Variants in PARD3 observed in about 807,000 individuals in gnomAD.
The protein encoded by PARD3 is partitioning defective 3 homolog.
Under a neutral mutation model 155.4 loss-of-function variants are expected in PARD3, and 75 were observed. The observed-to-expected ratio is 0.48, with a 90% CI of 0.40 to 0.58. The LOEUF (loss-of-function observed/expected upper bound fraction) is 0.58. PARD3 is among the 20% of genes least tolerant of loss of function. The pLI, the probability that PARD3 is intolerant of heterozygous loss-of-function variation, is 0.00. For missense variants in PARD3, 1,642 were observed against 1,721.7 expected (o/e 0.95, Z 0.82); for synonymous variants, 576 against 610.5 (o/e 0.94, Z 0.83).
intron 1 of PARD3, among the ~76,000 whole-genome samples, chr10:34,763,928 T>C (rs1016054736): frequency 6.6e-6 from 1 of 152,242 alleles, no homozygotes; most frequent in Non-Finnish European, 1.5e-5. Context: ...AGCCATATAC[T>C]AATAAGATCC....
intron 5 of PARD3, among the ~76,000 whole-genome samples, chr10:34,444,022 T>TCA (rs10657322): frequency 0.52 from 78,576 of 151,690 alleles, 23,866 homozygotes; most frequent in African/African-American, 0.86. Flanking sequence ...CCAGTTTGCC[T>TCA]GTTTGTATAA....
intron 2 of PARD3, among the ~76,000 whole-genome samples, chr10:34,642,669 G>A (rs2092715373): frequency 6.6e-6 from 1 of 151,984 alleles, no homozygotes; most frequent in East Asian, 1.9e-4. Context: ...GATAAACCCT[G>A]AGGACAGCTA....
intron 1 of PARD3, among the ~76,000 whole-genome samples, chr10:34,741,801 G>A (rs2095023787): frequency 6.6e-6 from 1 of 152,092 alleles, no homozygotes; most frequent in Non-Finnish European, 1.5e-5. Flanking sequence ...AGTTAATGAA[G>A]CACATACAAC....
chr10:34,610,016 G>A (rs1486208832), intron 2 of PARD3, among the ~76,000 whole-genome samples: 3 of 152,152 alleles, frequency 2.0e-5, no homozygotes, highest in African/African-American at 7.2e-5. Flanking sequence ...TTAGGCGGAG[G>A]CCAACTGTTT....
chr10:34,545,562 A>G (rs1465386962), intron 2 of PARD3, among the ~76,000 whole-genome samples: 1 of 152,084 alleles, frequency 6.6e-6, no homozygotes, highest in African/African-American at 2.4e-5. Context: ...ACGACTTTAT[A>G]TCCTTTTTTT....
intron 20 of PARD3, among the ~76,000 whole-genome samples, chr10:34,307,322 G>A (rs547689575): frequency 2.6e-5 from 4 of 152,242 alleles, no homozygotes; most frequent in African/African-American, 7.2e-5. Context: ...ATGCCACAGT[G>A]GGGAGGAAAG....
At chr10:34,709,443 C>T (rs181085529) in intron 1 of PARD3, among the ~76,000 whole-genome samples, 112 of 152,158 alleles carry the variant, frequency 7.4e-4, no homozygotes, top group East Asian at 5.0e-3. Context: ...ATTAGGAGTG[C>T]GAACAGGAAA....
intron 1 of PARD3, among the ~76,000 whole-genome samples, chr10:34,756,638 G>C (rs1836783505): frequency 6.6e-6 from 1 of 151,778 alleles, no homozygotes; most frequent in East Asian, 1.9e-4. Flanking sequence ...ACTTTTTATA[G>C]AGATGGGGTC....
At chr10:34,704,028 CAT>C (rs1428201413) in intron 1 of PARD3, among the ~76,000 whole-genome samples, 1 of 152,108 alleles carries the variant, frequency 6.6e-6, no homozygotes, top group Non-Finnish European at 1.5e-5. Flanking sequence ...AAACAGGAGA[CAT>C]AACACAGAAG....
intron 1 of PARD3, among the ~76,000 whole-genome samples, chr10:34,749,634 A>G (rs1454122622): frequency 3.9e-5 from 6 of 152,320 alleles, no homozygotes; most frequent in African/African-American, 1.4e-4. Flanking sequence ...AAAAAAGAAG[A>G]TAAGTGAAAG....
intron 2 of PARD3, among the ~76,000 whole-genome samples, chr10:34,614,091 A>C (rs997384994): frequency 1.1e-4 from 16 of 152,210 alleles, no homozygotes; most frequent in African/African-American, 3.9e-4. Context: ...AAACAGCTAA[A>C]TTCAAGAAAA....
At chr10:34,456,724 A>G (rs1027398444) in intron 4 of PARD3, among the ~76,000 whole-genome samples, 4 of 152,240 alleles carry the variant, frequency 2.6e-5, no homozygotes, top group African/African-American at 9.6e-5. Flanking sequence ...CCTAACATAT[A>G]TATCAAATTT....
Position 34,331,128 on chromosome 10 carries a change from C to G in PARD3, c.2822G>C (p.Gly941Ala), listed in dbSNP as rs753782867. ...CATTATAAACTTACAGGTCTCCATG[C>G]CTTCATCATCATCATCTACCGCGGG... ...DKPAVDDDDE[G>A]METLEEDTEE... The change falls in exon 19 of 25, where the codon GGC becomes GCC. Residue 941 changes from glycine (G) to alanine (A), a missense_variant. Gly to Ala is a moderately conservative substitution (Grantham distance 60, BLOSUM62 0). Around this residue, in one of 3 missense-constraint regions of PARD3, gnomAD observed 1,529 missense variants for 1,587.3 expected, o/e 0.96. Transcript: ENST00000374788. 5.6e-6 allele frequency: 9 copies of G among 1,611,544 alleles called. No homozygotes were observed. The African/African-American group carries it at 1.1e-4, about 19-fold the overall frequency.
chr10:34,479,548 C>T (rs181071135), intron 3 of PARD3, among the ~76,000 whole-genome samples: 11 of 152,282 alleles, frequency 7.2e-5, no homozygotes, highest in African/African-American at 2.4e-4. Context: ...GCAATCGAGA[C>T]TTAGGGTACC....
chr10:34,382,660 G>A lies in PARD3; in HGVS notation c.1279C>T (p.Pro427Ser), dbSNP rs185692405. The change falls in exon 9 of 25, where the codon CCC (proline) becomes TCC (serine). Residue 427 changes from proline to serine, a missense_variant. Pro to Ser is a moderately conservative substitution (Grantham distance 74). Coordinates refer to ENST00000374788, the MANE Select transcript of PARD3 (RefSeq NM_001184785.2). ...SHSRLPHSAHPSGKPPSAPAS... is the reference protein window; with the variant it reads ...SHSRLPHSAHSSGKPPSAPAS... ...GGAGCGGATGGTGGTTTTCCCGAGG[G>A]GTGTGCGCTATGAGGTAGTCTTGAG... 14 of 1,614,112 alleles carry A rather than the reference G, an allele frequency of 8.7e-6. No homozygotes were observed. Among genetic ancestry groups the A allele is most frequent in the Middle Eastern group, 1.7e-4 (1 of 6,060 alleles).
intron 22 of PARD3, among the ~76,000 whole-genome samples, chr10:34,136,204 TG>T (rs1191827237): frequency 6.6e-6 from 1 of 152,192 alleles, no homozygotes; most frequent in Non-Finnish European, 1.5e-5. Context: ...CCCCAAAATA[TG>T]TTAAAACTGA....
chr10:34,556,861 T>C (rs915820962), intron 2 of PARD3, among the ~76,000 whole-genome samples: 1 of 152,180 alleles, frequency 6.6e-6, no homozygotes, highest in Non-Finnish European at 1.5e-5. Flanking sequence ...TCATTATGTA[T>C]AAAGGGATAC....
intron 7 of PARD3, among the ~76,000 whole-genome samples, chr10:34,389,038 C>T (rs985084584): frequency 2.0e-5 from 3 of 152,068 alleles, no homozygotes; most frequent in Non-Finnish European, 4.4e-5. Flanking sequence ...TTATGCTTTT[C>T]AAGCAAATGG....
chr10:34,331,745 ATTAAAACCTTT>A (rs1487411257), intron 18 of PARD3, among the ~76,000 whole-genome samples: 1 of 133,016 alleles, frequency 7.5e-6, no homozygotes, highest in African/African-American at 3.1e-5. Flanking sequence ...TTTGCACTTA[ATTAAAACCTTT>A]TTTTTTTTGG....
Sources: allele counts gnomAD v4.1 joint callset (sites outside exome capture counted in the v4.1 genomes callset), GRCh38; gene constraint gnomAD v4.1.1; regional missense constraint gnomAD v4.1.1; transcripts MANE v1.5; gene names NCBI Gene and HGNC (gene_info 2026-07-23, HGNC 2026-07-21).